Variants in ELP4 observed in about 807,000 individuals in gnomAD.
ELP4 encodes elongator acetyltransferase complex subunit 4, also known as elongator complex protein 4.
In ELP4, 51 loss-of-function variants were observed where a neutral mutation model predicts 48.9. That is an observed-to-expected ratio of 1.04 (90% CI 0.83 to 1.32). The LOEUF (loss-of-function observed/expected upper bound fraction) is 1.32, where lower values mean the gene tolerates loss of function less well. ELP4 is among the 40% of genes most tolerant of loss of function. The pLI, the probability that ELP4 is intolerant of heterozygous loss-of-function variation, is 0.00. For synonymous variants in ELP4, 210 were observed against 189.2 expected (o/e 1.11, Z -0.90); for missense variants, 519 against 514.6 (o/e 1.01, Z -0.08).
At chr11:31,523,039 A>AT (rs369793709) in intron 2 of ELP4, among the ~76,000 whole-genome samples, 36,661 of 145,244 alleles carry the variant, frequency 0.25, 4,966 homozygotes, top group Non-Finnish European at 0.32. Context: ...TTATTTATTA[A>AT]TTTTTTTTTT....
chr11:31,685,714 G>A lies in ELP4; in HGVS notation c.1143+35493G>A, dbSNP rs567821677. On this transcript the variant is annotated intron_variant, in intron 9 of 9. Coordinates refer to ENST00000640961, the MANE Select transcript of ELP4 (RefSeq NM_019040.5). ...TTGGGAGGCCAGGCGCGCAGATCAC[G>A]AGGTCAAGAGATCGAGATCATCTTG... Among the ~76,000 whole-genome samples the A allele has an allele frequency of 7.9e-5, 12 of 152,236 alleles. No individual in the cohort carries two copies. The East Asian group carries it at 1.4e-3, about 17-fold the overall frequency.
intron 5 of ELP4, among the ~76,000 whole-genome samples, chr11:31,606,444 T>A (rs1345100800): frequency 6.6e-6 from 1 of 152,128 alleles, no homozygotes; most frequent in Non-Finnish European, 1.5e-5. Context: ...ATTTTATAAT[T>A]TCTGAAGGTG....
chr11:31,714,919 A>C, intron 9 of ELP4: 2 of 397,452 alleles, frequency 5.0e-6, no homozygotes, highest in East Asian at 7.1e-5. Flanking sequence ...AGCAACCTTA[A>C]TTCAATCTTT....
intron 9 of ELP4, among the ~76,000 whole-genome samples, chr11:31,705,413 A>G (rs1032778079): frequency 2.2e-4 from 34 of 152,304 alleles, no homozygotes; most frequent in Non-Finnish European, 4.6e-4. Flanking sequence ...TAAGTTTCCA[A>G]CACATGAAAT....
chr11:31,709,794 C>T (rs1946703293), intron 9 of ELP4, among the ~76,000 whole-genome samples: 1 of 152,104 alleles, frequency 6.6e-6, no homozygotes, highest in Non-Finnish European at 1.5e-5. Context: ...CAATAATTAT[C>T]ATTGTTACTG....
intron 9 of ELP4, among the ~76,000 whole-genome samples, chr11:31,680,899 A>G (rs2134122158): frequency 6.6e-6 from 1 of 152,348 alleles, no homozygotes; most frequent in South Asian, 2.1e-4. Context: ...AATTTAAAAT[A>G]TAATTAATTT....
chr11:31,717,584 T>A (rs1378496451), intron 9 of ELP4, among the ~76,000 whole-genome samples: 1 of 151,762 alleles, frequency 6.6e-6, no homozygotes, highest in East Asian at 1.9e-4. Flanking sequence ...TAAAACCTCA[T>A]CTCTACTAAA....
chr11:31,605,849 G>A (rs1242138290), intron 5 of ELP4, among the ~76,000 whole-genome samples: 2 of 151,950 alleles, frequency 1.3e-5, no homozygotes, highest in African/African-American at 2.4e-5. Context: ...GCAATTTCAG[G>A]TTAGAGTTGC....
At chr11:31,545,174 C>T (rs1312453949) in intron 3 of ELP4, among the ~76,000 whole-genome samples, 8 of 152,022 alleles carry the variant, frequency 5.3e-5, no homozygotes, top group African/African-American at 1.9e-4. Context: ...AGGCTTCAGA[C>T]GATCAAACTA....
At chr11:31,631,071 A>G (rs1944851160) in intron 6 of ELP4, among the ~76,000 whole-genome samples, 1 of 152,122 alleles carries the variant, frequency 6.6e-6, no homozygotes, top group African/African-American at 2.4e-5. Flanking sequence ...TTACTAGCTT[A>G]TGTTCCTTTA....
chr11:31,746,407 T>C (rs1008217209), intron 9 of ELP4, among the ~76,000 whole-genome samples: 2 of 152,246 alleles, frequency 1.3e-5, no homozygotes, highest in African/African-American at 2.4e-5. Context: ...CAAAGGATTA[T>C]AAATCATGCT....
intron 3 of ELP4, among the ~76,000 whole-genome samples, chr11:31,546,128 A>G (rs1399608951): frequency 3.9e-5 from 6 of 152,124 alleles, no homozygotes; most frequent in Non-Finnish European, 8.8e-5. Flanking sequence ...AAATTCACAC[A>G]TAACAATATT....
At chr11:31,538,845 G>C (rs1956548271) in intron 2 of ELP4, among the ~76,000 whole-genome samples, 2 of 152,076 alleles carry the variant, frequency 1.3e-5, no homozygotes, top group South Asian at 4.1e-4. Context: ...AATGAGTTTA[G>C]AAGTGTTTCA....
At chr11:31,565,594 C>A (rs570192847) in intron 3 of ELP4, among the ~76,000 whole-genome samples, 1 of 146,310 alleles carries the variant, frequency 6.8e-6, no homozygotes, top group Admixed American at 6.8e-5. Context: ...CTACATATGG[C>A]TAGCCAGTTT....
chr11:31,772,033 G>A (rs1025583389), intron 9 of ELP4, among the ~76,000 whole-genome samples: 10 of 151,270 alleles, frequency 6.6e-5, no homozygotes, highest in Non-Finnish European at 1.3e-4. Context: ...AAAGGCCTTC[G>A]CCTACTGAAG....
Position 31,604,300 on chromosome 11 carries a change from CTTAAT to C in ELP4, c.653+401_653+405del, listed in dbSNP as rs1957832414. Among the ~76,000 whole-genome samples the C allele has an allele frequency of 3.3e-5, 5 of 151,578 alleles. No homozygotes were observed. The South Asian group carries it at 1.0e-3, about 32-fold the overall frequency. ...AAATGATACAAACTAGTGTCGTTTGCTTAATTTAATTTTTTGGCATATACTTTTTC... is the reference window on the plus strand; with the variant it reads ...AAATGATACAAACTAGTGTCGTTTGCTTAATTTTTTGGCATATACTTTTTC... On this transcript the variant is annotated intron_variant, in intron 5 of 9. Coordinates refer to ENST00000640961, the MANE Select transcript of ELP4 (RefSeq NM_019040.5).
chr11:31,596,607 A>G (rs1040375923), intron 4 of ELP4, among the ~76,000 whole-genome samples: 1 of 152,188 alleles, frequency 6.6e-6, no homozygotes, highest in African/African-American at 2.4e-5. Context: ...ACTAAGTATC[A>G]TCTGTGTACC....
chr11:31,569,948 T>C (rs188824570), intron 3 of ELP4, among the ~76,000 whole-genome samples: 2 of 152,308 alleles, frequency 1.3e-5, no homozygotes, highest in African/African-American at 4.8e-5. Flanking sequence ...AGAGAGCAGT[T>C]TGGAGATTTC....
intron 9 of ELP4, among the ~76,000 whole-genome samples, chr11:31,703,985 C>T (rs1232134364): frequency 1.3e-5 from 2 of 152,098 alleles, no homozygotes; most frequent in South Asian, 2.1e-4. Flanking sequence ...ACTTAAGCTA[C>T]AGCACACTTC....
Sources: allele counts gnomAD v4.1 joint callset (sites outside exome capture counted in the v4.1 genomes callset), GRCh38; gene constraint gnomAD v4.1.1; transcripts MANE v1.5; gene names NCBI Gene and HGNC (gene_info 2026-07-23, HGNC 2026-07-21).